Variants in DPYSL5 observed in about 807,000 individuals in gnomAD.
DPYSL5 encodes dihydropyrimidinase-related protein 5.
DPYSL5 carries 9 observed loss-of-function variants against 58.4 expected under a neutral mutation model. The observed-to-expected ratio is 0.15, with a 90% CI of 0.09 to 0.27. The LOEUF (loss-of-function observed/expected upper bound fraction) is 0.27, where lower values mean the gene tolerates loss of function less well. Among genes scored for constraint, DPYSL5 ranks in the 10% least tolerant of loss-of-function variants. The pLI is 1.00. For synonymous variants in DPYSL5, 293 were observed against 301.9 expected (o/e 0.97, Z 0.31); for missense variants, 499 against 770.6 (o/e 0.65, Z 4.17).
chr2:26,931,201 G>GTATATATATATATATATATA lies in DPYSL5; in HGVS notation c.670-438_670-437insATATATATATATATATATAT, dbSNP rs1161770394. ...TGTGTGTGTGTGTGTGTGTGTGTGT[G>GTATATATATATATATATATA]TGTATATATATATATATATATATAT... On this transcript the variant is annotated intron_variant, in intron 5 of 12. Coordinates refer to ENST00000288699, the MANE Select transcript of DPYSL5 (RefSeq NM_020134.4). 6.6e-3 allele frequency among the ~76,000 whole-genome samples: 361 copies of GTATATATATATATATATATA among 54,480 alleles called. 6 individuals are homozygous for GTATATATATATATATATATA. Among genetic ancestry groups the GTATATATATATATATATATA allele is most frequent in the Non-Finnish European group, 0.011 (279 of 26,266 alleles). 35.7% of individuals were successfully genotyped at this position (54,480 alleles called of 152,430 possible). A position where few individuals can be genotyped will look rare whatever the true frequency, so the allele number is the denominator to read the frequency against.
chr2:26,917,649 C>T (rs1558344501), intron 2 of DPYSL5, among the ~76,000 whole-genome samples: 4 of 152,120 alleles, frequency 2.6e-5, no homozygotes, highest in Admixed American at 1.3e-4. Flanking sequence ...CAACCCCCCA[C>T]CCATGTGAAT....
intron 1 of DPYSL5, among the ~76,000 whole-genome samples, chr2:26,883,957 C>T (rs1663641364): frequency 6.6e-6 from 1 of 152,196 alleles, no homozygotes; most frequent in African/African-American, 2.4e-5. Context: ...GAGCCCCCGC[C>T]CCGTTTCCTG....
chr2:26,918,471 A>AT (rs78358823), intron 2 of DPYSL5, among the ~76,000 whole-genome samples: 30 of 122,366 alleles, frequency 2.5e-4, no homozygotes, highest in South Asian at 7.3e-4. Context: ...CGAGCTGGTT[A>AT]TTTTTTTTTT....
At chr2:26,887,846 C>T (rs886282221) in intron 1 of DPYSL5, among the ~76,000 whole-genome samples, 6 of 152,182 alleles carry the variant, frequency 3.9e-5, no homozygotes, top group South Asian at 4.1e-4. Flanking sequence ...ATCACCTTAA[C>T]GCGAACCCAT....
chr2:26,869,071 C>T (rs1663191535), intron 1 of DPYSL5, among the ~76,000 whole-genome samples: 1 of 152,070 alleles, frequency 6.6e-6, no homozygotes, highest in African/African-American at 2.4e-5. Context: ...CTCAAGCGAT[C>T]CTCCTACCTC....
intron 2 of DPYSL5, among the ~76,000 whole-genome samples, chr2:26,902,019 T>G (rs1411582414): frequency 6.7e-6 from 1 of 149,404 alleles, no homozygotes; most frequent in African/African-American, 2.5e-5. Context: ...CCCTCCTCCC[T>G]GCCCCAGGCA....
chr2:26,928,687 G>GTGTATATATATAAA, intron 5 of DPYSL5, among the ~76,000 whole-genome samples: 1 of 60,682 alleles, frequency 1.6e-5, no homozygotes, highest in Non-Finnish European at 3.5e-5. Flanking sequence ...AGGTGATAGA[G>GTGTATATATATAAA]TATATATATA....
At chr2:26,850,411 T>A (rs1324554249) in intron 1 of DPYSL5, among the ~76,000 whole-genome samples, 1 of 152,224 alleles carries the variant, frequency 6.6e-6, no homozygotes, top group Non-Finnish European at 1.5e-5. Flanking sequence ...AAGTCACCGC[T>A]GCAGCGCCTT....
intron 2 of DPYSL5, among the ~76,000 whole-genome samples, chr2:26,901,628 A>G (rs889120348): frequency 6.6e-6 from 1 of 152,174 alleles, no homozygotes; most frequent in Non-Finnish European, 1.5e-5. Context: ...CACTTTAAGC[A>G]TCTGGGTTTA....
At position 26,898,246 on chromosome 2, in the gene DPYSL5, T is replaced by C. The variant is rs1201912534; in HGVS notation, c.-4-250T>C. ...AAAGTGCTTTGGAGCTCACATAGCA[T>C]TTTGGGAAAGTAAAACATGATGTTT... On this transcript the variant is annotated intron_variant, in intron 1 of 12. Coordinates refer to ENST00000288699, the MANE Select transcript of DPYSL5 (RefSeq NM_020134.4). This position sits in a 1 kb window ranked among gnomAD's most constrained non-coding sequence, Gnocchi z 6.1. Among the ~76,000 whole-genome samples, 5 of 152,122 alleles carry C rather than the reference T, an allele frequency of 3.3e-5. No homozygotes were observed.
chr2:26,858,407 G>A (rs933034071), intron 1 of DPYSL5, among the ~76,000 whole-genome samples: 4 of 151,954 alleles, frequency 2.6e-5, no homozygotes, highest in East Asian at 1.9e-4. Context: ...TCCTGACCTC[G>A]TGATCTGCCC....
chr2:26,919,396 C>T (rs1303784932), intron 2 of DPYSL5, among the ~76,000 whole-genome samples: 1 of 152,112 alleles, frequency 6.6e-6, no homozygotes, highest in Non-Finnish European at 1.5e-5. Flanking sequence ...CAAATAAATC[C>T]AGCTTTACCC....
intron 6 of DPYSL5, among the ~76,000 whole-genome samples, chr2:26,932,136 AGAG>A (rs1558351377): frequency 1.5e-4 from 17 of 114,566 alleles, no homozygotes; most frequent in African/African-American, 6.0e-4. Context: ...AAAGAAAGAA[AGAG>A]AAAGAAAGAA....
intron 1 of DPYSL5, among the ~76,000 whole-genome samples, chr2:26,867,468 T>G (rs1214392406): frequency 6.7e-6 from 1 of 149,972 alleles, no homozygotes; most frequent in Non-Finnish European, 1.5e-5. Context: ...TGTTTTTTTT[T>G]TTTTTGAGAC....
chr2:26,941,590 T>C (rs1243592737), intron 9 of DPYSL5, among the ~76,000 whole-genome samples: 1 of 152,206 alleles, frequency 6.6e-6, no homozygotes, highest in Non-Finnish European at 1.5e-5. Context: ...CTAGAGCATA[T>C]ATAACCCTTT....
At chr2:26,935,533 C>A (rs1385944970) in intron 8 of DPYSL5, among the ~76,000 whole-genome samples, 1 of 151,660 alleles carries the variant, frequency 6.6e-6, no homozygotes, top group Non-Finnish European at 1.5e-5. Context: ...ACTGAAAATA[C>A]AAAAAATTAG....
In DPYSL5 at chr2:26,934,215, C is replaced by G. The variant is rs1387941784; in HGVS notation, c.791-363C>G. Among the ~76,000 whole-genome samples, 1 of 152,236 alleles carries G rather than the reference C, an allele frequency of 6.6e-6. No individual in the cohort carries two copies. Among genetic ancestry groups the G allele is most frequent in the African/African-American group, 2.4e-5 (1 of 41,458 alleles). ...CTGCCTGTCCAGAAAACAGTCTAGA[C>G]TGCTCTTTAGCGTGGCATTCGTGGC... On this transcript the variant is annotated intron_variant, in intron 7 of 12. Transcript: ENST00000288699. This position sits in a 1 kb window ranked among gnomAD's most constrained non-coding sequence, Gnocchi z 4.3.
intron 1 of DPYSL5, among the ~76,000 whole-genome samples, chr2:26,870,202 T>C (rs951327672): frequency 1.3e-5 from 2 of 152,216 alleles, no homozygotes; most frequent in African/African-American, 2.4e-5. Flanking sequence ...ATATTTGCTG[T>C]TGGTTTTTGG....
rs1005273946 is a variant in DPYSL5 at position 26,876,914 on chromosome 2, C to T, written c.-4-21582C>T. 2.6e-4 allele frequency among the ~76,000 whole-genome samples: 39 copies of T among 151,692 alleles called. 1 individual carries two copies. Among genetic ancestry groups the T allele is most frequent in the South Asian group, 1.0e-3 (5 of 4,784 alleles). On this transcript the variant is annotated intron_variant, in intron 1 of 12. Transcript: ENST00000288699. Reference sequence around the variant, plus strand: ...GCACAAACATCCTCAGAGTGTAGTCCGGTGTAACTACCCCATTCACCAGTG... The same window carrying T: ...GCACAAACATCCTCAGAGTGTAGTCTGGTGTAACTACCCCATTCACCAGTG...
Sources: allele counts gnomAD v4.1 joint callset (sites outside exome capture counted in the v4.1 genomes callset), GRCh38; gene constraint gnomAD v4.1.1; non-coding constraint Gnocchi (gnomAD v3.1); transcripts MANE v1.5; gene names NCBI Gene and HGNC (gene_info 2026-07-23, HGNC 2026-07-21).